The following GALNT10 variants were observed in gnomAD, a reference collection of about 807,000 sequenced individuals.
GALNT10 encodes GalNAc transferase 10.
GALNT10 carries 41 observed loss-of-function variants against 75.0 expected under a neutral mutation model. The observed-to-expected ratio is 0.55, with a 90% CI of 0.43 to 0.71. The LOEUF (loss-of-function observed/expected upper bound fraction) is 0.71. Ranked by LOEUF, GALNT10 falls within the 30% of genes least tolerant of loss-of-function variation. The pLI, the probability that GALNT10 is intolerant of heterozygous loss-of-function variation, is 0.00. For synonymous variants in GALNT10, 302 were observed against 313.0 expected, an observed-to-expected ratio of 0.96 and a Z score of 0.37; for missense variants, 727 against 818.5, an observed-to-expected ratio of 0.89 and a Z score of 1.36.
intron 1 of GALNT10, among the ~76,000 whole-genome samples, chr5:154,208,015 G>T (rs904021841): frequency 3.3e-5 from 5 of 152,152 alleles, no homozygotes; most frequent in African/African-American, 1.2e-4. Context: ...CAAGGCAGAG[G>T]TGCTCCCAGG....
intron 3 of GALNT10, 150 bp from the exon 4 acceptor site, chr5:154,329,422 C>T: frequency 1.6e-6 from 1 of 630,864 alleles, no homozygotes; most frequent in South Asian, 1.8e-5. Context: ...TGTAGAAGTT[C>T]CTGTGTGACC....
chr5:154,317,032 T>C (rs1242953285), intron 3 of GALNT10, among the ~76,000 whole-genome samples: 1 of 152,236 alleles, frequency 6.6e-6, no homozygotes, highest in Non-Finnish European at 1.5e-5. Flanking sequence ...CACTTGGTTC[T>C]CATGACATTC....
At chr5:154,250,443 A>G (rs959038783) in intron 1 of GALNT10, among the ~76,000 whole-genome samples, 19 of 152,202 alleles carry the variant, frequency 1.2e-4, no homozygotes, top group African/African-American at 4.3e-4. Flanking sequence ...AAGGGGGACT[A>G]TGGGGTTAAT....
intron 7 of GALNT10, among the ~76,000 whole-genome samples, chr5:154,395,446 G>A (rs1412056592): frequency 1.3e-5 from 2 of 152,246 alleles, no homozygotes; most frequent in Admixed American, 6.5e-5. Flanking sequence ...TCGTGAGCAT[G>A]ATATGAGCCA....
chr5:154,205,583 T>G (rs1393253511), intron 1 of GALNT10, among the ~76,000 whole-genome samples: 2 of 152,208 alleles, frequency 1.3e-5, no homozygotes, highest in African/African-American at 4.8e-5. Context: ...GCAAAGTCCT[T>G]ACTCACGGCA....
chr5:154,405,893 G>A (rs1420775053), intron 8 of GALNT10, among the ~76,000 whole-genome samples: 1 of 150,722 alleles, frequency 6.6e-6, no homozygotes, highest in Non-Finnish European at 1.5e-5. Flanking sequence ...TTTTTAAAAG[G>A]CCCACCTGAT....
intron 4 of GALNT10, among the ~76,000 whole-genome samples, chr5:154,374,935 A>C (rs1755631332): frequency 6.6e-6 from 1 of 152,272 alleles, no homozygotes; most frequent in African/African-American, 2.4e-5. Context: ...TTTATTAGAA[A>C]TGATACCAAT....
intron 1 of GALNT10, among the ~76,000 whole-genome samples, chr5:154,209,459 CAG>C (rs1775160666): frequency 6.6e-6 from 1 of 152,180 alleles, no homozygotes; most frequent in South Asian, 2.1e-4. Flanking sequence ...GCTGCTGCAA[CAG>C]AATACTATGG....
At chr5:154,392,741 G>C (rs1305936886) in intron 7 of GALNT10, 1 of 152,184 alleles carries the variant, frequency 6.6e-6, no homozygotes, top group Non-Finnish European at 1.5e-5. Flanking sequence ...GAGACAGAAA[G>C]TATCCAACCA....
At chr5:154,355,737 G>A (rs1755281314) in intron 4 of GALNT10, among the ~76,000 whole-genome samples, 1 of 150,818 alleles carries the variant, frequency 6.6e-6, no homozygotes. Context: ...GACATGCTGG[G>A]GCTAAGTGAC....
intron 1 of GALNT10, among the ~76,000 whole-genome samples, chr5:154,198,591 A>T (rs534913021): frequency 8.5e-5 from 13 of 152,334 alleles, no homozygotes; most frequent in Non-Finnish European, 1.8e-4. Flanking sequence ...GAAATTGTGC[A>T]TGCAGAGGCT....
chr5:154,411,451 G>A (rs1302445623), intron 9 of GALNT10, among the ~76,000 whole-genome samples: 2 of 152,214 alleles, frequency 1.3e-5, no homozygotes, highest in Non-Finnish European at 1.5e-5. Context: ...TGGGGCCATC[G>A]GGGAAGACGA....
intron 4 of GALNT10, among the ~76,000 whole-genome samples, chr5:154,334,580 C>T (rs1754913749): frequency 6.6e-6 from 1 of 152,108 alleles, no homozygotes; most frequent in African/African-American, 2.4e-5. Flanking sequence ...TGTTGTTTTT[C>T]CAGAAAAATT....
intron 3 of GALNT10, among the ~76,000 whole-genome samples, chr5:154,325,392 T>C (rs1397370083): frequency 6.6e-6 from 1 of 152,048 alleles, no homozygotes; most frequent in African/African-American, 2.4e-5. Context: ...GCAAAAGAGA[T>C]ACAATAAAAT....
chr5:154,191,039 T>A lies in GALNT10; in HGVS notation c.159+14T>A. The stretch of plus-strand genomic sequence containing the variant: ...GCGGCGGGACAGGTGAGTCCCCCCG[T>A]TGCTACAGGCCGGGAACACCCCCTT... On this transcript the variant is annotated intron_variant, in intron 1 of 11. Coordinates refer to ENST00000297107, the MANE Select transcript of GALNT10 (RefSeq NM_198321.4). 1 of 1,406,668 alleles carries A rather than the reference T, an allele frequency of 7.1e-7. No individual in the cohort carries two copies. The highest frequency in any genetic ancestry group is 9.3e-7 in the Non-Finnish European group (1 of 1,070,044). 87.1% of individuals were successfully genotyped at this position (1,406,668 alleles called of 1,614,324 possible). A position where few individuals can be genotyped will look rare whatever the true frequency, so the allele number is the denominator to read the frequency against.
intron 3 of GALNT10, chr5:154,329,365 G>T: frequency 1.8e-6 from 1 of 562,204 alleles, no homozygotes; most frequent in South Asian, 2.3e-5. Flanking sequence ...ATACATATCC[G>T]CGTGTGCTGT....
chr5:154,409,282 A>G lies in GALNT10; in HGVS notation c.1165-259A>G, dbSNP rs1326872446. On this transcript the variant is annotated intron_variant, in intron 8 of 11. Coordinates refer to ENST00000297107, the MANE Select transcript of GALNT10 (RefSeq NM_198321.4). The surrounding 1 kb of genome is among the most constrained non-coding windows in gnomAD (Gnocchi z 4.5). ...CCCCAGAGGAAAATCAGTGGGGGCT[A>G]TCGCTAGAAGAAGATGGGATGGAAG... Among the ~76,000 whole-genome samples, 1 of 152,196 alleles carries G rather than the reference A, an allele frequency of 6.6e-6. No homozygotes were observed. Among genetic ancestry groups the G allele is most frequent in the Non-Finnish European group, 1.5e-5 (1 of 68,042 alleles).
intron 4 of GALNT10, among the ~76,000 whole-genome samples, chr5:154,367,857 CAAA>C (rs71577134): frequency 1.0e-4 from 8 of 77,076 alleles, no homozygotes; most frequent in Admixed American, 1.5e-4. Flanking sequence ...GACTCCGTCT[CAAA>C]AAAAAAAAAA....
intron 9 of GALNT10, among the ~76,000 whole-genome samples, chr5:154,410,709 G>A (rs1040562549): frequency 1.8e-4 from 27 of 152,178 alleles, no homozygotes; most frequent in African/African-American, 3.1e-4. Context: ...CACCCAGAGC[G>A]AGTTCCGGTT....
Sources: gnomAD v4.1 joint callset for allele counts (sites outside exome capture counted in the v4.1 genomes callset) on GRCh38, gnomAD v4.1.1 for gene constraint, Gnocchi (gnomAD v3.1) non-coding constraint, MANE v1.5 for transcripts, NCBI Gene and HGNC (gene_info 2026-07-23, HGNC 2026-07-21) for gene names.